Variants in GSN observed in about 807,000 individuals in gnomAD.
GSN encodes actin-depolymerizing factor.
Under a neutral mutation model 85.7 loss-of-function variants are expected in GSN, and 56 were observed. The observed-to-expected ratio is 0.65, with a 90% CI of 0.53 to 0.82. The LOEUF (loss-of-function observed/expected upper bound fraction) is 0.82, where lower values mean the gene tolerates loss of function less well. Among genes scored for constraint, GSN ranks in the 40% least tolerant of loss-of-function variants. The pLI is 0.00. For synonymous variants in GSN, 373 were observed against 399.1 expected, an observed-to-expected ratio of 0.93 and a Z score of 0.78; for missense variants, 857 against 979.8, an observed-to-expected ratio of 0.87 and a Z score of 1.67.
intron 5 of GSN, chr9:121,239,519 G>A (rs927184955): frequency 2.0e-5 from 6 of 302,962 alleles, no homozygotes; most frequent in Non-Finnish European, 3.9e-5. Flanking sequence ...TGGCAGATTT[G>A]AGCTGCAATC....
At chr9:121,310,252 C>A in intron 4 of GSN, 1 of 291,890 alleles carries the variant, frequency 3.4e-6, no homozygotes, top group Non-Finnish European at 6.7e-6. Context: ...ATTCCCTATG[C>A]TTATTTGACC....
intron 2 of GSN, chr9:121,282,814 T>C (rs2057554360): frequency 2.8e-6 from 1 of 361,180 alleles, no homozygotes; most frequent in East Asian, 4.3e-5. Flanking sequence ...AAGAATGTTA[T>C]GCTCTGTTGA....
intron 1 of GSN, among the ~76,000 whole-genome samples, chr9:121,270,283 A>G (rs976951957): frequency 6.6e-6 from 1 of 152,232 alleles, no homozygotes; most frequent in Non-Finnish European, 1.5e-5. Flanking sequence ...TCCTGAAGGC[A>G]ATGAAGAGCT....
rs751299899 is a variant in GSN, at chr9:121,326,740, A to G, written c.1587+58A>G. ...TGGCCTCCCTGAAACCTCCCAGCTC[A>G]ATGACCAGATCTCCAGGCACAGGAA... On this transcript the variant is annotated intron_variant, in intron 13 of 17. Coordinates refer to ENST00000432226, the MANE Select transcript of GSN (RefSeq NM_198252.3). 3 of 1,404,334 alleles carry G rather than the reference A, an allele frequency of 2.1e-6. No homozygotes were observed. In the Middle Eastern group the frequency reaches 5.3e-4, roughly 249 times the overall value. The allele number at this position is 1,404,334 out of a possible 1,614,324, so 87.0% of individuals were successfully genotyped here.
At chr9:121,244,907 G>T (rs2054669759) in intron 5 of GSN, among the ~76,000 whole-genome samples, 1 of 151,970 alleles carries the variant, frequency 6.6e-6, no homozygotes, top group African/African-American at 2.4e-5. Flanking sequence ...GGAAAGAATA[G>T]AAAGGAAGGT....
At chr9:121,275,116 C>T (rs1428670760) in intron 1 of GSN, among the ~76,000 whole-genome samples, 2 of 152,158 alleles carry the variant, frequency 1.3e-5, no homozygotes, top group Non-Finnish European at 1.5e-5. Context: ...TAGAGTACAG[C>T]GACCATTTTC....
chr9:121,273,105 C>T (rs1307262054), intron 1 of GSN, among the ~76,000 whole-genome samples: 1 of 152,200 alleles, frequency 6.6e-6, no homozygotes, highest in East Asian at 1.9e-4. Context: ...CTGAAATTGA[C>T]TCTTCCCAAG....
chr9:121,206,434 T>C (rs935809864), upstream of GSN, among the ~76,000 whole-genome samples: 1 of 152,142 alleles, frequency 6.6e-6, no homozygotes, highest in Non-Finnish European at 1.5e-5. Context: ...TAAAAAAAGG[T>C]GATGCATAAA....
chr9:121,282,490 G>A (rs775591535), intron 2 of GSN: 29 of 1,257,740 alleles, frequency 2.3e-5, no homozygotes, highest in Non-Finnish European at 2.9e-5. Context: ...GGCCCAGCTG[G>A]CTTCCAGATG....
At chr9:121,207,111 A>C (rs559998774), upstream of GSN, among the ~76,000 whole-genome samples, 1 of 152,372 alleles carries the variant, frequency 6.6e-6, no homozygotes, top group Non-Finnish European at 1.5e-5. Flanking sequence ...TTTAGTTGAA[A>C]TAATGCGAGT....
chr9:121,303,202 T>C, intron 4 of GSN, 137 bp downstream of exon 4: 1 of 824,150 alleles, frequency 1.2e-6, no homozygotes, highest in Non-Finnish European at 2.0e-6. Flanking sequence ...TCAACCAACA[T>C]TGTGTTTAAA....
Position 121,318,317 on chromosome 9 carries a change from G to T in GSN, c.887-89G>T. 9.3e-7 allele frequency: 1 copy of T among 1,069,908 alleles called. No individual in the cohort carries two copies. Among genetic ancestry groups the T allele is most frequent in the South Asian group, 1.3e-5 (1 of 79,670 alleles). The allele number at this position is 1,069,908 out of a possible 1,614,324, so 66.3% of individuals were successfully genotyped here. A position where few individuals can be genotyped will look rare whatever the true frequency, so the allele number is the denominator to read the frequency against. On this transcript the variant is annotated intron_variant, in intron 8 of 17. Coordinates refer to ENST00000432226, the MANE Select transcript of GSN (RefSeq NM_198252.3). The surrounding 1 kb of genome is among the most constrained non-coding windows in gnomAD (Gnocchi z 4.3). ...CTAAGAAGAGTAGGGAGGGAAGTTT[G>T]GCAGCTCCTTCTCCTGGACTGTTAA...
At chr9:121,256,617 C>G (rs1490833350) in intron 6 of GSN, among the ~76,000 whole-genome samples, 1 of 152,042 alleles carries the variant, frequency 6.6e-6, no homozygotes, top group Non-Finnish European at 1.5e-5. Flanking sequence ...GTGGCTTATG[C>G]CTGTAATCCC....
intron 13 of GSN, 113 bp downstream of exon 13, chr9:121,326,795 A>G: frequency 1.0e-6 from 1 of 987,552 alleles, no homozygotes; most frequent in Middle Eastern, 2.1e-4. Context: ...ATGACGGGGT[A>G]AGAAGCAGCT....
chr9:121,224,550 A>C (rs138482526), intron 4 of GSN, among the ~76,000 whole-genome samples: 2 of 152,228 alleles, frequency 1.3e-5, no homozygotes, highest in African/African-American at 4.8e-5. Context: ...GCCATCCTGC[A>C]GGTTAGGGGC....
chr9:121,323,619 C>T (rs2062781680), intron 11 of GSN, among the ~76,000 whole-genome samples: 1 of 152,182 alleles, frequency 6.6e-6, no homozygotes, highest in African/African-American at 2.4e-5. Flanking sequence ...ATCTGCCTGC[C>T]TTGGCCTCCC....
At position 121,329,408 on chromosome 9, in the gene GSN, G is replaced by A. The variant is rs2063638533; in HGVS notation, c.1965+93G>A. ...TGATCAGTTGCTAGAAGGACCTAAA[G>A]GGGGCAGTGCCAGGTGTTGCCAGAA... On this transcript the variant is annotated intron_variant, in intron 16 of 17. Transcript: ENST00000432226. The surrounding 1 kb of genome is among the most constrained non-coding windows in gnomAD (Gnocchi z 4.6). 3 of 826,420 alleles carry A rather than the reference G, an allele frequency of 3.6e-6. No homozygotes were observed. Among genetic ancestry groups the A allele is most frequent in the Non-Finnish European group, 4.3e-6 (2 of 468,144 alleles). The allele number at this position is 826,420 out of a possible 1,614,324, so 51.2% of individuals were successfully genotyped here.
At chr9:121,230,731 A>AT (rs1208420034) in intron 4 of GSN, among the ~76,000 whole-genome samples, 1 of 152,224 alleles carries the variant, frequency 6.6e-6, no homozygotes, top group Non-Finnish European at 1.5e-5. Flanking sequence ...TGTCTGGCAC[A>AT]TGCTGATGCT....
chr9:121,222,475 A>G (rs919293501), intron 4 of GSN, among the ~76,000 whole-genome samples: 6 of 152,242 alleles, frequency 3.9e-5, no homozygotes, highest in South Asian at 2.1e-4. Flanking sequence ...GAATGCAGAA[A>G]TAAATTTGAT....
Sources: gnomAD v4.1 joint callset for allele counts (sites outside exome capture counted in the v4.1 genomes callset) on GRCh38, gnomAD v4.1.1 for gene constraint, Gnocchi (gnomAD v3.1) non-coding constraint, MANE v1.5 for transcripts, NCBI Gene and HGNC (gene_info 2026-07-23, HGNC 2026-07-21) for gene names.